Variants in PDE10A observed in about 807,000 individuals in gnomAD.
PDE10A encodes phosphodiesterase 10A, also known as cAMP and cAMP-inhibited cGMP 3',5'-cyclic phosphodiesterase 10A.
In PDE10A, 39 loss-of-function variants were observed where a neutral mutation model predicts 97.7. The observed-to-expected ratio is 0.40, with a 90% CI of 0.31 to 0.52. The LOEUF (loss-of-function observed/expected upper bound fraction) is 0.52. PDE10A is among the 20% of genes least tolerant of loss of function. PDE10A has a pLI of 0.56. For synonymous variants in PDE10A, 371 were observed against 376.8 expected, an observed-to-expected ratio of 0.98 and a Z score of 0.18; for missense variants, 731 against 1,047.8, an observed-to-expected ratio of 0.70 and a Z score of 4.17.
At chr6:165,354,955 T>C (rs1462056911) in intron 18 of PDE10A, among the ~76,000 whole-genome samples, 2 of 152,188 alleles carry the variant, frequency 1.3e-5, no homozygotes, top group Admixed American at 6.6e-5. Context: ...AATTTTGAAC[T>C]CATTATTAAT....
chr6:165,637,783 T>C (rs935503942), intron 1 of PDE10A, among the ~76,000 whole-genome samples: 2 of 152,124 alleles, frequency 1.3e-5, no homozygotes, highest in Non-Finnish European at 2.9e-5. Flanking sequence ...ACTCAAGACT[T>C]TACGGAGCTA....
chr6:165,401,204 C>T (rs1786634810), intron 13 of PDE10A, among the ~76,000 whole-genome samples: 1 of 152,130 alleles, frequency 6.6e-6, no homozygotes, highest in South Asian at 2.1e-4. Context: ...AGTTTCTGCT[C>T]TGTCTTTTTA....
At chr6:165,444,730 C>CT (rs1402491516) in intron 5 of PDE10A, among the ~76,000 whole-genome samples, 1 of 151,692 alleles carries the variant, frequency 6.6e-6, no homozygotes, top group Non-Finnish European at 1.5e-5. Context: ...ACACATAGAA[C>CT]TTTTTTCCTC....
chr6:165,963,297 CT>C (rs1279611724), intron 1 of PDE10A, among the ~76,000 whole-genome samples: 3 of 152,216 alleles, frequency 2.0e-5, no homozygotes, highest in African/African-American at 7.2e-5. Flanking sequence ...TTACTAATGA[CT>C]TACATCTGAA....
At chr6:165,786,590 A>G (rs1054911441) in intron 1 of PDE10A, among the ~76,000 whole-genome samples, 51 of 152,216 alleles carry the variant, frequency 3.4e-4, no homozygotes, top group African/African-American at 1.2e-3. Context: ...GAATACAAAG[A>G]TGACACATGG....
intron 1 of PDE10A, among the ~76,000 whole-genome samples, chr6:165,892,232 C>T (rs1437635356): frequency 6.6e-6 from 1 of 152,138 alleles, no homozygotes; most frequent in Admixed American, 6.5e-5. Flanking sequence ...AAAGCAGGAG[C>T]CTTCCTGGAC....
At chr6:165,884,838 C>A (rs556179274) in intron 1 of PDE10A, among the ~76,000 whole-genome samples, 79 of 152,270 alleles carry the variant, frequency 5.2e-4, no homozygotes, top group African/African-American at 1.9e-3. Flanking sequence ...TTATAAACAT[C>A]TTCAGCTGTG....
intron 13 of PDE10A, among the ~76,000 whole-genome samples, chr6:165,408,791 T>C (rs978155139): frequency 6.6e-6 from 1 of 151,924 alleles, no homozygotes; most frequent in Non-Finnish European, 1.5e-5. Flanking sequence ...TGGACTCAAA[T>C]CTCTTATTCC....
intron 1 of PDE10A, among the ~76,000 whole-genome samples, chr6:165,779,993 C>T (rs1778302294): frequency 6.6e-6 from 1 of 152,186 alleles, no homozygotes; most frequent in Non-Finnish European, 1.5e-5. Flanking sequence ...AAGACAAAAA[C>T]ACCTGTTCTT....
chr6:165,799,865 A>T (rs563394343), intron 1 of PDE10A, among the ~76,000 whole-genome samples: 1 of 152,328 alleles, frequency 6.6e-6, no homozygotes, highest in African/African-American at 2.4e-5. Flanking sequence ...TAAAATCAGC[A>T]TGCTTTTCCT....
intron 1 of PDE10A, among the ~76,000 whole-genome samples, chr6:165,858,132 A>T (rs1290878122): frequency 6.6e-6 from 1 of 152,196 alleles, no homozygotes; most frequent in African/African-American, 2.4e-5. Flanking sequence ...AGGTGCTATT[A>T]ATTTTAAATA....
intron 1 of PDE10A, among the ~76,000 whole-genome samples, chr6:165,899,574 A>G (rs562978053): frequency 3.9e-5 from 6 of 152,358 alleles, no homozygotes; most frequent in African/African-American, 1.2e-4. Context: ...TTACACATTC[A>G]GGTGAGTGCT....
chr6:165,716,301 C>T (rs1388777654), intron 1 of PDE10A, among the ~76,000 whole-genome samples: 1 of 152,246 alleles, frequency 6.6e-6, no homozygotes, highest in African/African-American at 2.4e-5. Flanking sequence ...CTTTTCTTCT[C>T]TAACTCGCCC....
At chr6:165,762,520 A>G (rs969936283) in intron 1 of PDE10A, among the ~76,000 whole-genome samples, 6 of 151,970 alleles carry the variant, frequency 3.9e-5, no homozygotes, top group Non-Finnish European at 4.4e-5. Context: ...GTAGTGGGCA[A>G]GGGAGGAGAC....
intron 2 of PDE10A, among the ~76,000 whole-genome samples, chr6:165,501,421 C>T (rs780392752): frequency 1.3e-5 from 2 of 152,002 alleles, no homozygotes; most frequent in Admixed American, 6.6e-5. Flanking sequence ...ATTAGCCAGG[C>T]GTGGTGGCGG....
rs34744765 is a variant in PDE10A, at chr6:165,753,610, GT to G, written c.-614-210043del. On this transcript the variant is annotated intron_variant, in intron 1 of 19. Coordinates refer to the PDE10A transcript ENST00000366882. ...CATCATTTTAATTTTAGTTTTTAGG[GT>G]TTTTTTTCCCACCACAGATGCTAAC... Among the ~76,000 whole-genome samples, 9 of 151,878 alleles carry G rather than the reference GT, an allele frequency of 5.9e-5. No individual in the cohort carries two copies. In the South Asian group the frequency reaches 1.0e-3, roughly 18 times the overall value.
chr6:165,929,019 G>A (rs1783036566), intron 1 of PDE10A, among the ~76,000 whole-genome samples: 1 of 152,040 alleles, frequency 6.6e-6, no homozygotes, highest in Non-Finnish European at 1.5e-5. Flanking sequence ...TGTGTCCCTG[G>A]GCAAGTGAAT....
intron 1 of PDE10A, among the ~76,000 whole-genome samples, chr6:165,673,411 G>A (rs946447493): frequency 2.6e-5 from 4 of 152,204 alleles, no homozygotes; most frequent in Non-Finnish European, 5.9e-5. Context: ...TTTATTTTGT[G>A]TCACAGCAGA....
chr6:165,870,353 T>C (rs1781170102), intron 1 of PDE10A, among the ~76,000 whole-genome samples: 4 of 152,150 alleles, frequency 2.6e-5, no homozygotes, highest in Non-Finnish European at 5.9e-5. Flanking sequence ...TGAAAAATGC[T>C]CAAGATCACT....
Sources: allele counts gnomAD v4.1 joint callset (sites outside exome capture counted in the v4.1 genomes callset), GRCh38; gene constraint gnomAD v4.1.1; transcripts MANE v1.5; gene names NCBI Gene and HGNC (gene_info 2026-07-23, HGNC 2026-07-21).